Variants in GALK2 observed in about 807,000 individuals in gnomAD.
GALK2 encodes the protein galactokinase 2, also known as N-acetylgalactosamine kinase.
GALK2 carries 36 observed loss-of-function variants against 52.4 expected under a neutral mutation model. The ratio of observed to expected loss-of-function variants is 0.69; its 90% confidence interval spans 0.53 to 0.91. The LOEUF (loss-of-function observed/expected upper bound fraction) is 0.91. GALK2 is among the 40% of genes least tolerant of loss of function. The probability of loss-of-function intolerance (pLI) is 0.00; values close to 1 mark genes in which losing one functional copy is unlikely to be tolerated. For missense variants in GALK2, 579 were observed against 559.1 expected (o/e 1.04, Z -0.36); for synonymous variants, 176 against 199.1 (o/e 0.88, Z 0.98).
At chr15:49,365,025 A>C in intron 3 of GALK2, 1 of 502,000 alleles carries the variant, frequency 2.0e-6, no homozygotes, top group Non-Finnish European at 3.6e-6. Context: ...CAAACATATC[A>C]TTGAAGACTT....
intron 1 of GALK2, among the ~76,000 whole-genome samples, chr15:49,160,587 G>A (rs867131773): frequency 6.6e-6 from 1 of 152,038 alleles, no homozygotes; most frequent in Admixed American, 6.6e-5. Flanking sequence ...TACCCAGGCC[G>A]GGTGCGGTGG....
intron 8 of GALK2, among the ~76,000 whole-genome samples, chr15:49,296,504 G>A (rs1047399408): frequency 2.0e-5 from 3 of 151,842 alleles, no homozygotes; most frequent in African/African-American, 7.3e-5. Flanking sequence ...TTTGCACCAC[G>A]TTTTCTTTAT....
chr15:49,178,194 A>AATATATATATATAT (rs1566907035), intron 1 of GALK2, among the ~76,000 whole-genome samples: 3 of 39,604 alleles, frequency 7.6e-5, no homozygotes, highest in Non-Finnish European at 1.3e-4. Context: ...AAAAAGAAAT[A>AATATATATATATAT]CTATATATAT....
chr15:49,366,648 C>T (rs2045244324), intron 3 of GALK2: 4 of 1,567,952 alleles, frequency 2.6e-6, no homozygotes, highest in South Asian at 2.2e-5. Context: ...CAGAGCAGGG[C>T]GGCCGTGGCA....
intron 2 of GALK2, among the ~76,000 whole-genome samples, chr15:49,209,529 G>GT (rs34374486): frequency 6.6e-6 from 1 of 152,096 alleles, no homozygotes; most frequent in African/African-American, 2.4e-5. Flanking sequence ...TATGTTAAGA[G>GT]TTTTTATCAT....
intron 1 of GALK2, among the ~76,000 whole-genome samples, chr15:49,196,754 C>T (rs1004849835): frequency 3.3e-5 from 5 of 151,918 alleles, no homozygotes; most frequent in Non-Finnish European, 7.4e-5. Flanking sequence ...ATAGTTTTGC[C>T]TTATACAAGT....
intron 2 of GALK2, among the ~76,000 whole-genome samples, chr15:49,208,020 G>A (rs559867326): frequency 1.6e-4 from 24 of 152,222 alleles, no homozygotes; most frequent in Middle Eastern, 3.4e-3. Context: ...TGGTCCACCC[G>A]CCTCAGCCTC....
chr15:49,309,349 G>T (rs532488239), intron 8 of GALK2, among the ~76,000 whole-genome samples: 2 of 152,106 alleles, frequency 1.3e-5, no homozygotes, highest in Non-Finnish European at 2.9e-5. Flanking sequence ...TTACAAACAA[G>T]AATGCTGACT....
At chr15:49,291,288 C>T (rs552911063) in intron 7 of GALK2, among the ~76,000 whole-genome samples, 38 of 152,012 alleles carry the variant, frequency 2.5e-4, no homozygotes, top group African/African-American at 7.7e-4. Flanking sequence ...TTCAAATATA[C>T]GAGCCAGGGT....
rs2090980537 is a variant in GALK2 at position 49,239,260 on chromosome 15, C to T, written c.397C>T (p.Leu133=). The change falls in exon 5 of 10, where the codon CTG becomes TTG. Residue 133 remains leucine, a synonymous_variant. Coordinates refer to ENST00000560031, the MANE Select transcript of GALK2 (RefSeq NM_002044.4). ...TAGTAACCTGACTGGAATGAACTGCCTGGTAGATGGAAATATCCCACCAAG... is the reference window on the plus strand; with the variant it reads ...TAGTAACCTGACTGGAATGAACTGCTTGGTAGATGGAAATATCCCACCAAG... ...GLSNLTGMNC[L]VDGNIPPSSG... 1 of 1,613,968 alleles carries T rather than the reference C, an allele frequency of 6.2e-7. No individual in the cohort carries two copies. The highest frequency in any genetic ancestry group is 8.5e-7 in the Non-Finnish European group (1 of 1,179,966).
At chr15:49,236,509 A>T (rs1252952880) in intron 4 of GALK2, among the ~76,000 whole-genome samples, 1 of 152,216 alleles carries the variant, frequency 6.6e-6, no homozygotes, top group African/African-American at 2.4e-5. Flanking sequence ...GTATTAGTAT[A>T]AGTATTTTCC....
intron 5 of GALK2, among the ~76,000 whole-genome samples, chr15:49,258,546 C>G (rs1383105263): frequency 6.6e-6 from 1 of 151,910 alleles, no homozygotes; most frequent in Non-Finnish European, 1.5e-5. Context: ...TTGTATTTTG[C>G]AGAGAAGGAA....
rs1340459511 is a variant in GALK2 at position 49,319,815 on chromosome 15, C to T, written c.1169+10C>T. 1.2e-6 allele frequency: 2 copies of T among 1,611,022 alleles called. No individual in the cohort carries two copies. Among genetic ancestry groups the T allele is most frequent in the East Asian group, 2.2e-5 (1 of 44,830 alleles). On this transcript the variant is annotated intron_variant, in intron 9 of 9. Transcript: ENST00000560031. ...TGGTGGACATCTGTCGGTGAGGCAG[C>T]CTGGTGGGGGCCAAGGGATGCCATC...
intron 3 of GALK2, among the ~76,000 whole-genome samples, chr15:49,234,568 A>G (rs939398631): frequency 5.7e-4 from 86 of 152,152 alleles, no homozygotes; most frequent in African/African-American, 2.0e-3. Flanking sequence ...GCGGGCAAAG[A>G]GAGCATGTGC....
At chr15:49,157,789 C>T (rs956683347) in intron 1 of GALK2, among the ~76,000 whole-genome samples, 2 of 152,120 alleles carry the variant, frequency 1.3e-5, no homozygotes, top group African/African-American at 4.8e-5. Context: ...CTTATTAGCA[C>T]GGCATGTACC....
chr15:49,271,809 A>G (rs759691435), intron 5 of GALK2, among the ~76,000 whole-genome samples: 1 of 152,232 alleles, frequency 6.6e-6, no homozygotes, highest in Non-Finnish European at 1.5e-5. Flanking sequence ...TTGCGAAACA[A>G]TTAAGAACAT....
At chr15:49,291,960 A>G (rs533916760) in intron 7 of GALK2, among the ~76,000 whole-genome samples, 1 of 152,270 alleles carries the variant, frequency 6.6e-6, no homozygotes, top group Non-Finnish European at 1.5e-5. Context: ...TTGACTTCCT[A>G]GGGAGGAATG....
chr15:49,352,895 A>G (rs543232443), intron 3 of GALK2, among the ~76,000 whole-genome samples: 2 of 152,322 alleles, frequency 1.3e-5, no homozygotes, highest in South Asian at 4.1e-4. Flanking sequence ...GTTTTGAGAC[A>G]TTCCTAAAGC....
In GALK2 at chr15:49,213,376, A is replaced by T. The variant is rs80130921; in HGVS notation, c.143-3814A>T. 3.2e-3 allele frequency among the ~76,000 whole-genome samples: 493 copies of T among 152,082 alleles called. 15 individuals are homozygous for T. In the East Asian group the frequency reaches 0.089, roughly 28 times the overall value. On this transcript the variant is annotated intron_variant, in intron 2 of 9. Coordinates refer to ENST00000560031, the MANE Select transcript of GALK2 (RefSeq NM_002044.4). The stretch of plus-strand genomic sequence containing the variant: ...AAAAAATTTTACTTTAAGTTCTGGG[A>T]TATAAATGCAGAATGTGTAGGTTTG...
Sources: gnomAD v4.1 joint callset for allele counts (sites outside exome capture counted in the v4.1 genomes callset) on GRCh38, gnomAD v4.1.1 for gene constraint, MANE v1.5 for transcripts, NCBI Gene and HGNC (gene_info 2026-07-23, HGNC 2026-07-21) for gene names.